BSCL2: variants seen among roughly 807,000 people sequenced by gnomAD.
The protein encoded by BSCL2 is seipin.
In BSCL2, 41 loss-of-function variants were observed where a neutral mutation model predicts 57.4. That is an observed-to-expected ratio of 0.71 (90% CI 0.56 to 0.93). BSCL2 has a LOEUF of 0.93. Ranked by LOEUF, BSCL2 falls within the 40% of genes least tolerant of loss-of-function variation. BSCL2 has a pLI of 0.00. For missense variants in BSCL2, 539 were observed against 586.7 expected, an observed-to-expected ratio of 0.92 and a Z score of 0.84; for synonymous variants, 237 against 227.3, an observed-to-expected ratio of 1.04 and a Z score of -0.38.
In BSCL2 at chr11:62,703,347, G is replaced by GT. The variant is rs541712297; in HGVS notation, c.405-799dup. ...AGCATATGCCTGGGCATGCATATACGTTTTTTTTTTTTTTTTTTTTTTGAG... is the reference window on the plus strand; with the variant it reads ...AGCATATGCCTGGGCATGCATATACGTTTTTTTTTTTTTTTTTTTTTTTGAG... On this transcript the variant is annotated intron_variant, in intron 2 of 10. Transcript: ENST00000360796. Among the ~76,000 whole-genome samples the GT allele has an allele frequency of 5.5e-3, 376 of 68,768 alleles. 10 individuals are homozygous for GT. Among genetic ancestry groups the GT allele is most frequent in the African/African-American group, 0.011 (199 of 18,874 alleles). The allele number at this position is 68,768 out of a possible 152,430, so 45.1% of individuals were successfully genotyped here.
intron 4 of BSCL2, 57 bp from the exon 5 acceptor site, chr11:62,692,854 C>T: frequency 6.2e-7 from 1 of 1,606,928 alleles, no homozygotes; most frequent in East Asian, 2.2e-5. Context: ...CCCCATGACC[C>T]TACCTACCCC....
chr11:62,702,753 G>A (rs752283546), intron 2 of BSCL2, among the ~76,000 whole-genome samples: 1 of 150,162 alleles, frequency 6.7e-6, no homozygotes, highest in African/African-American at 2.5e-5. Flanking sequence ...TGACTTCAAT[G>A]TATGTCCTCT....
rs776756296 is a variant in BSCL2, at chr11:62,692,836, T to G, written c.631-39A>C. On this transcript the variant is annotated intron_variant, in intron 4 of 10. Transcript: ENST00000360796. ...GAAGCAGAGGCTGGGGACAGGTGCA[T>G]GCCAGATCCCCATGACCCTACCTAC... 13 of 1,610,752 alleles carry G rather than the reference T, an allele frequency of 8.1e-6. No individual in the cohort carries two copies. In the East Asian group the frequency reaches 2.9e-4, roughly 36 times the overall value.
In BSCL2 at chr11:62,690,447, C is replaced by A. The variant is rs199787351; in HGVS notation, c.1309G>T (p.Ala437Ser). Residue 437 changes from alanine to serine, a missense_variant, in exon 11 of 11, where the codon GCC becomes TCC. Transcript: ENST00000360796. Reference sequence around the variant, plus strand: ...CTGCCCAGAGTCTCTAGGACAGGGGCAGAAGCAGAAGCAGGAGCAGGAGCA... The same window carrying A: ...CTGCCCAGAGTCTCTAGGACAGGGGAAGAAGCAGAAGCAGGAGCAGGAGCA... ...LPAPAPASAS[A>S]PVLETLGSSE... is the part of the protein sequence containing the mutation. 6.2e-7 allele frequency: 1 copy of A among 1,613,896 alleles called. No individual in the cohort carries two copies. The highest frequency in any genetic ancestry group is 1.7e-5 in the Admixed American group (1 of 59,988).
At chr11:62,705,743 T>C (rs2083519633) in intron 1 of BSCL2, 126 bp from the exon 2 acceptor site, 1 of 951,956 alleles carries the variant, frequency 1.1e-6, no homozygotes, top group East Asian at 2.7e-5. Flanking sequence ...TTCATATATA[T>C]GGCCTTTCTC....
intron 3 of BSCL2, among the ~76,000 whole-genome samples, chr11:62,696,359 A>C (rs1945462615): frequency 6.7e-6 from 1 of 149,458 alleles, no homozygotes; most frequent in Non-Finnish European, 1.5e-5. Flanking sequence ...CAGTGGCATG[A>C]TCATGGCTCA....
At chr11:62,690,958 G>C in intron 8 of BSCL2, 91 bp from the exon 9 acceptor site, 1 of 1,577,444 alleles carries the variant, frequency 6.3e-7, no homozygotes, top group Non-Finnish European at 8.7e-7. Flanking sequence ...CCTTTCCTTT[G>C]ACCCTTGTCT....
intron 10 of BSCL2, 39 bp downstream of exon 10, chr11:62,690,573 G>A (rs547938973): frequency 2.0e-5 from 32 of 1,613,828 alleles, no homozygotes; most frequent in South Asian, 5.5e-5. Context: ...TAGATTAACC[G>A]GGGGCCCCAC....
chr11:62,706,369 C>T (rs1481979544), intron 1 of BSCL2: 10 of 1,042,078 alleles, frequency 9.6e-6, no homozygotes, highest in Non-Finnish European at 1.1e-5. Context: ...GGCTTCAGCC[C>T]AGGGCGGGGT....
upstream of BSCL2, chr11:62,708,477 G>C (rs749487122): frequency 8.0e-7 from 1 of 1,249,514 alleles, no homozygotes. Flanking sequence ...TAAGAGATGC[G>C]TTCTTTCCTT....
At chr11:62,699,203 C>T (rs1315067036) in intron 3 of BSCL2, among the ~76,000 whole-genome samples, 1 of 135,122 alleles carries the variant, frequency 7.4e-6, no homozygotes, top group Non-Finnish European at 1.6e-5. Context: ...ACGCTTGGCC[C>T]CTAATTTTTT....
chr11:62,693,494 A>C lies in BSCL2; in HGVS notation c.631-697T>G, dbSNP rs529987056. 3.2e-3 allele frequency among the ~76,000 whole-genome samples: 493 copies of C among 152,226 alleles called. 3 individuals are homozygous for C. The Middle Eastern group carries it at 0.034, about 11-fold the overall frequency. On this transcript the variant is annotated intron_variant, in intron 4 of 10. Transcript: ENST00000360796. ...ACTCCAGCCTGGGCGACAGAGCAAG[A>C]TCTCTGTCTCAAAAACAAAAAAACA...
At chr11:62,708,550 G>A, upstream of BSCL2, 4 of 1,384,666 alleles carry the variant, frequency 2.9e-6, no homozygotes, top group Non-Finnish European at 3.0e-6. Flanking sequence ...CAGGCCTCTG[G>A]GGGGGATGAG....
intron 2 of BSCL2, among the ~76,000 whole-genome samples, chr11:62,703,154 A>AAC (rs918185335): frequency 6.6e-6 from 1 of 151,010 alleles, no homozygotes; most frequent in African/African-American, 2.4e-5. Context: ...CCATCTCAAA[A>AAC]AAAAAAAAAA....
At position 62,705,508 on chromosome 11, in the gene BSCL2, A is replaced by T; in HGVS notation, c.197T>A (p.Val66Asp). 1 of 1,614,018 alleles carries T rather than the reference A, an allele frequency of 6.2e-7. No individual in the cohort carries two copies. Among genetic ancestry groups the T allele is most frequent in the Non-Finnish European group, 8.5e-7 (1 of 1,179,918 alleles). The change falls in exon 2 of 11, where the codon GTC (valine) becomes GAC (aspartate). Residue 66 changes from valine to aspartate, a missense_variant. Coordinates refer to ENST00000360796, the MANE Select transcript of BSCL2 (RefSeq NM_001122955.4). ...GARHPALPAM[V>D]NDPPVPALLW... is the part of the protein sequence containing the mutation. Reference sequence around the variant, plus strand: ...TAAGGCAGGTACTGGAGGGTCGTTGACCATGGCCGGGAGAGCAGGGTGTCT... The same window carrying T: ...TAAGGCAGGTACTGGAGGGTCGTTGTCCATGGCCGGGAGAGCAGGGTGTCT...
chr11:62,690,588 G>A (rs1239072478), intron 10 of BSCL2, 24 bp downstream of exon 10: 2 of 1,613,860 alleles, frequency 1.2e-6, no homozygotes, highest in African/African-American at 1.3e-5. Flanking sequence ...CCCCACCCAG[G>A]TCACGCTGCA....
chr11:62,702,777 G>A (rs1565151102), intron 2 of BSCL2, among the ~76,000 whole-genome samples: 1 of 152,120 alleles, frequency 6.6e-6, no homozygotes, highest in South Asian at 2.1e-4. Context: ...TACAACAGAT[G>A]TTCTTAGATG....
At chr11:62,695,671 A>T (rs964572831) in intron 3 of BSCL2, among the ~76,000 whole-genome samples, 1 of 141,628 alleles carries the variant, frequency 7.1e-6, no homozygotes, top group African/African-American at 2.6e-5. Context: ...AGAGCGCGCC[A>T]TTGCACTGCA....
intron 6 of BSCL2, among the ~76,000 whole-genome samples, chr11:62,691,897 A>T (rs1945320589): frequency 6.6e-6 from 1 of 152,000 alleles, no homozygotes; most frequent in Admixed American, 6.6e-5. Flanking sequence ...AAAAATACAA[A>T]AAAAATTAGC....
Sources: gnomAD v4.1 joint callset for allele counts (sites outside exome capture counted in the v4.1 genomes callset) on GRCh38, gnomAD v4.1.1 for gene constraint, MANE v1.5 for transcripts, NCBI Gene and HGNC (gene_info 2026-07-23, HGNC 2026-07-21) for gene names.